Variants in KIF26B observed in about 807,000 individuals in gnomAD.
The protein encoded by KIF26B is kinesin family member 26B.
A neutral mutation model predicts 151.2 loss-of-function variants in KIF26B; 63 were observed. The ratio of observed to expected loss-of-function variants is 0.42; its 90% CI spans 0.34 to 0.51. The LOEUF (loss-of-function observed/expected upper bound fraction) is 0.51, where lower values mean the gene tolerates loss of function less well. Among genes scored for constraint, KIF26B ranks in the 20% least tolerant of loss-of-function variants. KIF26B has a pLI of 0.07. For missense variants in KIF26B, 2,813 were observed against 2,913.6 expected, an observed-to-expected ratio of 0.97 and a Z score of 0.79; for synonymous variants, 1,357 against 1,262.1, an observed-to-expected ratio of 1.08 and a Z score of -1.59.
intron 5 of KIF26B, among the ~76,000 whole-genome samples, chr1:245,568,229 G>C (rs989308628): frequency 7.1e-6 from 1 of 140,150 alleles, no homozygotes; most frequent in African/African-American, 2.6e-5. Context: ...CTCTCAAAGG[G>C]CCTGAGCCAG....
intron 4 of KIF26B, among the ~76,000 whole-genome samples, chr1:245,453,744 A>G (rs1659447481): frequency 6.6e-6 from 1 of 152,216 alleles, no homozygotes; most frequent in African/African-American, 2.4e-5. Context: ...AAAAGATAAG[A>G]CACTAACAAG....
intron 3 of KIF26B, among the ~76,000 whole-genome samples, chr1:245,386,418 G>A (rs534913491): frequency 6.6e-6 from 1 of 152,114 alleles, no homozygotes; most frequent in South Asian, 2.1e-4. Flanking sequence ...TGCCTTGATG[G>A]GGGCCGGGGG....
At position 245,660,035 on chromosome 1, in the gene KIF26B, C is replaced by T. The variant is rs112851211; in HGVS notation, c.2258+13755C>T. ...TTGCACTCCAGCCTGGGCAACAGGGCGAGACTCCATCTCAGAAAAAAAAAG... is the reference window on the plus strand; with the variant it reads ...TTGCACTCCAGCCTGGGCAACAGGGTGAGACTCCATCTCAGAAAAAAAAAG... On this transcript the variant is annotated intron_variant, in intron 10 of 14. Transcript: ENST00000407071. Among the ~76,000 whole-genome samples, 593 of 151,502 alleles carry T rather than the reference C, an allele frequency of 3.9e-3. 4 individuals are homozygous for T. The highest frequency in any genetic ancestry group is 3.6e-3 in the Non-Finnish European group (244 of 67,882).
At chr1:245,514,486 C>T (rs971519525) in intron 4 of KIF26B, among the ~76,000 whole-genome samples, 1 of 151,992 alleles carries the variant, frequency 6.6e-6, no homozygotes, top group Non-Finnish European at 1.5e-5. Flanking sequence ...CCAAGATCCT[C>T]CACTGCATTC....
chr1:245,401,639 C>T (rs564821467), intron 3 of KIF26B, among the ~76,000 whole-genome samples: 34 of 152,252 alleles, frequency 2.2e-4, no homozygotes, highest in East Asian at 9.6e-4. Context: ...GAGGCCGAGG[C>T]GGGCGGATTG....
intron 2 of KIF26B, among the ~76,000 whole-genome samples, chr1:245,256,013 G>T (rs907800053): frequency 2.6e-5 from 4 of 152,112 alleles, no homozygotes; most frequent in Non-Finnish European, 5.9e-5. Flanking sequence ...CCACTGTAAG[G>T]AAGTTTTCCT....
chr1:245,288,876 CAAGG>C (rs1671209487), intron 2 of KIF26B, among the ~76,000 whole-genome samples: 2 of 151,976 alleles, frequency 1.3e-5, no homozygotes. Flanking sequence ...ATTGCTAGTT[CAAGG>C]AAGGGAGTTT....
intron 4 of KIF26B, among the ~76,000 whole-genome samples, chr1:245,468,820 G>T (rs868753530): frequency 1.3e-5 from 2 of 152,268 alleles, no homozygotes; most frequent in Middle Eastern, 6.8e-3. Flanking sequence ...CCCTCGCTAT[G>T]CTCTTTTAGC....
chr1:245,393,254 A>G (rs1289252545), intron 3 of KIF26B, among the ~76,000 whole-genome samples: 1 of 152,008 alleles, frequency 6.6e-6, no homozygotes, highest in African/African-American at 2.4e-5. Context: ...ATTGGTTGAG[A>G]TGTTCTTTTC....
intron 10 of KIF26B, among the ~76,000 whole-genome samples, chr1:245,678,009 A>C (rs559283624): frequency 3.3e-5 from 5 of 152,284 alleles, no homozygotes; most frequent in Admixed American, 2.6e-4. Flanking sequence ...GCCAGGGATG[A>C]TGGCTTGGGA....
At chr1:245,701,567 G>C (rs9651081) in intron 14 of KIF26B, among the ~76,000 whole-genome samples, 3 of 151,958 alleles carry the variant, frequency 2.0e-5, no homozygotes, top group African/African-American at 4.8e-5. Context: ...GCAGACAGCG[G>C]CCACTCTAAG....
At chr1:245,361,016 C>A (rs987058099) in intron 2 of KIF26B, among the ~76,000 whole-genome samples, 1 of 152,110 alleles carries the variant, frequency 6.6e-6, no homozygotes, top group Non-Finnish European at 1.5e-5. Flanking sequence ...TAAATAAAAG[C>A]ATTTTCAGGG....
At chr1:245,519,320 G>A (rs1374315093) in intron 4 of KIF26B, among the ~76,000 whole-genome samples, 1 of 152,134 alleles carries the variant, frequency 6.6e-6, no homozygotes, top group Non-Finnish European at 1.5e-5. Context: ...TTGGGAGGCT[G>A]AGGCAGGCGG....
chr1:245,369,126 C>T (rs1031377171), intron 3 of KIF26B, among the ~76,000 whole-genome samples: 5 of 151,456 alleles, frequency 3.3e-5, no homozygotes, highest in Non-Finnish European at 5.9e-5. Flanking sequence ...TGCACTCCAG[C>T]CTGGTGACAG....
intron 4 of KIF26B, among the ~76,000 whole-genome samples, chr1:245,535,181 C>T (rs1661463221): frequency 6.6e-6 from 1 of 152,104 alleles, no homozygotes; most frequent in Non-Finnish European, 1.5e-5. Flanking sequence ...CTTCTCTTCT[C>T]TGTGTCATTG....
At chr1:245,335,059 A>G (rs1672194023) in intron 2 of KIF26B, among the ~76,000 whole-genome samples, 1 of 152,164 alleles carries the variant, frequency 6.6e-6, no homozygotes. Flanking sequence ...AGGCAGCTAA[A>G]ACCACTGAGG....
At chr1:245,252,206 T>A (rs760041128) in intron 2 of KIF26B, among the ~76,000 whole-genome samples, 11 of 151,340 alleles carry the variant, frequency 7.3e-5, no homozygotes, top group Non-Finnish European at 1.6e-4. Context: ...AGCCCAGGAG[T>A]TTGAGGCTGC....
chr1:245,544,501 A>G (rs768761906), intron 5 of KIF26B, among the ~76,000 whole-genome samples: 6 of 152,160 alleles, frequency 3.9e-5, no homozygotes, highest in Non-Finnish European at 8.8e-5. Context: ...CTCCATAGGA[A>G]CAGATTTCAT....
intron 10 of KIF26B, among the ~76,000 whole-genome samples, chr1:245,675,856 C>A (rs1224633712): frequency 1.3e-5 from 2 of 152,024 alleles, no homozygotes; most frequent in African/African-American, 4.8e-5. Flanking sequence ...CCCATATAAT[C>A]CTAGAGAACA....
Sources: allele counts gnomAD v4.1 joint callset (sites outside exome capture counted in the v4.1 genomes callset), GRCh38; gene constraint gnomAD v4.1.1; transcripts MANE v1.5; gene names NCBI Gene and HGNC (gene_info 2026-07-23, HGNC 2026-07-21).